MPP7: variants seen among roughly 807,000 people sequenced by gnomAD.
MPP7 encodes MAGUK p55 subfamily member 7.
MPP7 carries 60 observed loss-of-function variants against 76.5 expected under a neutral mutation model. That is an observed-to-expected ratio of 0.78 (90% CI 0.64 to 0.97). The LOEUF (loss-of-function observed/expected upper bound fraction) is 0.97, where lower values mean the gene tolerates loss of function less well. Among genes scored for constraint, MPP7 ranks in the 50% least tolerant of loss-of-function variants. The probability of loss-of-function intolerance (pLI) is 0.00; values close to 1 mark genes in which losing one functional copy is unlikely to be tolerated. For synonymous variants in MPP7, 237 were observed against 244.5 expected (o/e 0.97, Z 0.29); for missense variants, 641 against 694.0 (o/e 0.92, Z 0.86).
intron 1 of MPP7, among the ~76,000 whole-genome samples, chr10:28,302,065 A>T (rs12218294): frequency 0.12 from 17,909 of 151,946 alleles, 1,691 homozygotes; most frequent in East Asian, 0.48. Context: ...CCCCTTTTTT[A>T]AATGTGAATA....
chr10:28,269,067 C>T (rs1193225509), intron 1 of MPP7, among the ~76,000 whole-genome samples: 1 of 152,206 alleles, frequency 6.6e-6, no homozygotes, highest in African/African-American at 2.4e-5. Flanking sequence ...TTTCCCATAA[C>T]TATTTCTACT....
intron 1 of MPP7, among the ~76,000 whole-genome samples, chr10:28,258,601 T>C (rs1839861253): frequency 6.6e-6 from 1 of 151,764 alleles, no homozygotes; most frequent in Non-Finnish European, 1.5e-5. Flanking sequence ...GGTTTCACCA[T>C]GTTCACCAGG....
At chr10:28,148,010 T>A (rs778672868) in intron 4 of MPP7, among the ~76,000 whole-genome samples, 5 of 152,156 alleles carry the variant, frequency 3.3e-5, no homozygotes, top group African/African-American at 1.2e-4. Context: ...AAACCCACAG[T>A]AGCTGTGCTG....
At chr10:28,148,524 T>C (rs1011820454) in intron 4 of MPP7, among the ~76,000 whole-genome samples, 11 of 152,166 alleles carry the variant, frequency 7.2e-5, no homozygotes, top group Non-Finnish European at 1.3e-4. Flanking sequence ...GAAAAGGAAT[T>C]TTCTCTAAAA....
At chr10:28,114,931 G>A (rs1295269359) in intron 11 of MPP7, among the ~76,000 whole-genome samples, 1 of 152,128 alleles carries the variant, frequency 6.6e-6, no homozygotes, top group African/African-American at 2.4e-5. Context: ...CAGTTAGAAG[G>A]TTCTTCACCT....
At chr10:28,087,037 A>G (rs7920296) in intron 12 of MPP7, among the ~76,000 whole-genome samples, 13,626 of 152,226 alleles carry the variant, frequency 0.09, 1,194 homozygotes, top group African/African-American at 0.22. Flanking sequence ...CCAGCATTGG[A>G]AGTGGGGCCC....
intron 1 of MPP7, among the ~76,000 whole-genome samples, chr10:28,302,546 T>C (rs867785766): frequency 9.9e-5 from 15 of 152,192 alleles, no homozygotes; most frequent in Admixed American, 4.6e-4. Context: ...TTCCTCCACC[T>C]GTCGGTTCTC....
chr10:28,085,855 A>T (rs59082756), intron 12 of MPP7, among the ~76,000 whole-genome samples: 16,279 of 152,230 alleles, frequency 0.11, 1,593 homozygotes, highest in East Asian at 0.5. Context: ...GCTGGGAATT[A>T]AAAAATAAAG....
chr10:28,090,629 A>G (rs1432585901), intron 11 of MPP7, among the ~76,000 whole-genome samples: 2 of 152,230 alleles, frequency 1.3e-5, no homozygotes, highest in African/African-American at 4.8e-5. Flanking sequence ...GGCAGCATCT[A>G]TTGTTAAACA....
At chr10:28,276,223 G>A (rs1000515779) in intron 1 of MPP7, among the ~76,000 whole-genome samples, 1 of 151,412 alleles carries the variant, frequency 6.6e-6, no homozygotes, top group Non-Finnish European at 1.5e-5. Context: ...TAGAGACGGG[G>A]TTTCACCATA....
At chr10:28,248,406 A>G (rs959054902) in intron 1 of MPP7, among the ~76,000 whole-genome samples, 8 of 152,250 alleles carry the variant, frequency 5.3e-5, no homozygotes, top group African/African-American at 1.9e-4. Context: ...TGTAAACGCC[A>G]AGCAGGAGGC....
intron 1 of MPP7, among the ~76,000 whole-genome samples, chr10:28,293,632 G>A (rs967141452): frequency 1.3e-5 from 2 of 152,200 alleles, no homozygotes; most frequent in Admixed American, 1.3e-4. Flanking sequence ...GTGCCATGAA[G>A]TGAGTGCTAA....
chr10:28,103,129 G>A (rs887664178), intron 11 of MPP7, among the ~76,000 whole-genome samples: 1 of 122,982 alleles, frequency 8.1e-6, no homozygotes, highest in Non-Finnish European at 1.5e-5. Context: ...TGCACATGCT[G>A]TTGGGGGGTC....
chr10:28,152,874 A>T (rs528205255), intron 3 of MPP7, among the ~76,000 whole-genome samples: 2 of 152,186 alleles, frequency 1.3e-5, no homozygotes, highest in Non-Finnish European at 2.9e-5. Context: ...TCTAGCATCA[A>T]TTATTAAGTA....
At chr10:28,165,756 G>A (rs1836430077) in intron 3 of MPP7, among the ~76,000 whole-genome samples, 1 of 152,112 alleles carries the variant, frequency 6.6e-6, no homozygotes, top group Non-Finnish European at 1.5e-5. Flanking sequence ...CAGGCGTGGT[G>A]GCTCACGCCT....
chr10:28,332,629 T>G (rs1834482231), intron 1 of MPP7, among the ~76,000 whole-genome samples: 1 of 152,174 alleles, frequency 6.6e-6, no homozygotes, highest in African/African-American at 2.4e-5. Flanking sequence ...TTACTACATT[T>G]AACTCTGAAA....
At chr10:28,301,450 G>A (rs890143367) in intron 1 of MPP7, among the ~76,000 whole-genome samples, 2 of 152,100 alleles carry the variant, frequency 1.3e-5, no homozygotes, top group Non-Finnish European at 2.9e-5. Context: ...AACTAGCTAA[G>A]CAACCTGAAT....
chr10:28,289,326 C>G (rs1840859059), intron 1 of MPP7: 1 of 151,622 alleles, frequency 6.6e-6, no homozygotes. Flanking sequence ...CTAACCATAT[C>G]AGTCCAGACT....
chr10:28,257,745 TAA>T (rs66568214), intron 1 of MPP7, among the ~76,000 whole-genome samples: 6,637 of 141,900 alleles, frequency 0.047, 375 homozygotes, highest in African/African-American at 0.14. Context: ...TAAAGTATAA[TAA>T]AAAAAAAAAA....
Sources: allele counts gnomAD v4.1 joint callset (sites outside exome capture counted in the v4.1 genomes callset), GRCh38; gene constraint gnomAD v4.1.1; transcripts MANE v1.5; gene names NCBI Gene and HGNC (gene_info 2026-07-23, HGNC 2026-07-21).